Variants in ARFGEF3 observed in about 807,000 individuals in gnomAD.
ARFGEF3 encodes brefeldin A-inhibited guanine nucleotide-exchange protein 3.
A neutral mutation model predicts 221.7 loss-of-function variants in ARFGEF3; 96 were observed. That is an observed-to-expected ratio of 0.43 (90% CI 0.37 to 0.51). The LOEUF (loss-of-function observed/expected upper bound fraction) is 0.51. Ranked by LOEUF, ARFGEF3 falls within the 20% of genes least tolerant of loss-of-function variation. The probability of loss-of-function intolerance (pLI) is 0.00; values close to 1 mark genes in which losing one functional copy is unlikely to be tolerated. For synonymous variants in ARFGEF3, 1,145 were observed against 1,126.8 expected (o/e 1.02, Z -0.32); for missense variants, 2,410 against 2,789.9 (o/e 0.86, Z 3.07).
chr6:138,247,872 C>T (rs973424987), intron 8 of ARFGEF3, among the ~76,000 whole-genome samples: 3 of 152,198 alleles, frequency 2.0e-5, no homozygotes, highest in African/African-American at 7.2e-5. Flanking sequence ...TCCAGGAACA[C>T]CTGAAGTTAA....
At chr6:138,226,339 A>AT (rs1049030216) in intron 4 of ARFGEF3, among the ~76,000 whole-genome samples, 1 of 151,986 alleles carries the variant, frequency 6.6e-6, no homozygotes, top group East Asian at 1.9e-4. Flanking sequence ...TCTAATTCTA[A>AT]TTTTTTTTCC....
Position 138,286,104 on chromosome 6 carries a change from C to A in ARFGEF3, c.2569+51C>A. The A allele has an allele frequency of 1.6e-5, 17 of 1,030,748 alleles. No homozygotes were observed. In the South Asian group the frequency reaches 2.2e-4, roughly 13 times the overall value. The allele number at this position is 1,030,748 out of a possible 1,614,324, so 63.9% of individuals were successfully genotyped here. A position where few individuals can be genotyped will look rare whatever the true frequency, so the allele number is the denominator to read the frequency against. ...GAACATCCATACACTGCATGTGTTA[C>A]CAGCAATTACATTGTTATGTGGTGA... On this transcript the variant is annotated intron_variant, in intron 15 of 33. Coordinates refer to ENST00000251691, the MANE Select transcript of ARFGEF3 (RefSeq NM_020340.5).
chr6:138,167,031 A>G (rs1776736677), intron 1 of ARFGEF3, among the ~76,000 whole-genome samples: 1 of 152,174 alleles, frequency 6.6e-6, no homozygotes, highest in African/African-American at 2.4e-5. Context: ...CAGTTACTGA[A>G]GAACAGTAAC....
intron 20 of ARFGEF3, among the ~76,000 whole-genome samples, chr6:138,296,510 G>T (rs73568903): frequency 6.6e-6 from 1 of 152,034 alleles, no homozygotes; most frequent in Non-Finnish European, 1.5e-5. Context: ...GAATCCAGAC[G>T]GTCGGACTTC....
intron 12 of ARFGEF3, 103 bp from the exon 13 acceptor site, chr6:138,278,348 T>C: frequency 1.0e-6 from 1 of 1,001,178 alleles, no homozygotes; most frequent in Non-Finnish European, 1.5e-6. Context: ...AGAAATATCC[T>C]ATTGATGCAG....
chr6:138,294,737 A>G (rs6570218), intron 20 of ARFGEF3, among the ~76,000 whole-genome samples: 40,195 of 152,082 alleles, frequency 0.26, 5,682 homozygotes, highest in East Asian at 0.5. Flanking sequence ...GTCCCAAAGC[A>G]TTGGCAGGTT....
At chr6:138,244,249 C>G (rs1423955143) in intron 7 of ARFGEF3, among the ~76,000 whole-genome samples, 4 of 152,214 alleles carry the variant, frequency 2.6e-5, no homozygotes, top group Admixed American at 6.5e-5. Context: ...TTCTCTTTCC[C>G]TGCCTTCCTC....
At chr6:138,177,930 A>C (rs1235477135) in intron 2 of ARFGEF3, among the ~76,000 whole-genome samples, 1 of 152,088 alleles carries the variant, frequency 6.6e-6, no homozygotes, top group Non-Finnish European at 1.5e-5. Flanking sequence ...GTTTAAAATA[A>C]ATATTTTGAA....
intron 17 of ARFGEF3, 83 bp from the exon 18 acceptor site, chr6:138,289,735 T>C (rs1312285813): frequency 4.8e-6 from 7 of 1,449,642 alleles, no homozygotes; most frequent in Non-Finnish European, 6.6e-6. Flanking sequence ...CTTTTGCCCT[T>C]GCATGACACA....
chr6:138,209,747 G>A (rs1002719168), intron 3 of ARFGEF3, among the ~76,000 whole-genome samples, 163 bp from the exon 4 acceptor site: 2 of 152,004 alleles, frequency 1.3e-5, no homozygotes, highest in African/African-American at 2.4e-5. Context: ...TGCCCTGGCC[G>A]CATTTTTCTT....
At chr6:138,316,854 A>G (rs1472486983) in intron 26 of ARFGEF3, among the ~76,000 whole-genome samples, 2 of 152,232 alleles carry the variant, frequency 1.3e-5, no homozygotes, top group Admixed American at 6.5e-5. Flanking sequence ...AGAAATGGCT[A>G]AAATGGCTTT....
intron 22 of ARFGEF3, among the ~76,000 whole-genome samples, chr6:138,306,228 G>T (rs1469528990): frequency 6.6e-6 from 1 of 151,938 alleles, no homozygotes; most frequent in African/African-American, 2.4e-5. Flanking sequence ...CATCAAATAT[G>T]ATAAAATATT....
chr6:138,204,659 TTACATATTATC>T lies in ARFGEF3; in HGVS notation c.138-2372_138-2362del, dbSNP rs1777597303. Among the ~76,000 whole-genome samples, 5 of 152,308 alleles carry T rather than the reference TTACATATTATC, an allele frequency of 3.3e-5. No individual in the cohort carries two copies. In the South Asian group the frequency reaches 1.0e-3, roughly 32 times the overall value. On this transcript the variant is annotated intron_variant, in intron 2 of 33. Transcript: ENST00000251691. ...TGACAACCTCTGATACATATATTAT[TTACATATTATC>T]TACATATTATACTCCAACTCTGCAG... is the stretch of plus-strand genomic sequence containing the variant.
At chr6:138,287,694 A>G (rs1426824236) in intron 17 of ARFGEF3, among the ~76,000 whole-genome samples, 1 of 152,204 alleles carries the variant, frequency 6.6e-6, no homozygotes, top group Non-Finnish European at 1.5e-5. Context: ...TGAGTCGGTG[A>G]AGCTGATGAT....
At chr6:138,258,805 C>T (rs1430092953) in intron 10 of ARFGEF3, among the ~76,000 whole-genome samples, 6 of 152,204 alleles carry the variant, frequency 3.9e-5, no homozygotes, top group Non-Finnish European at 8.8e-5. Flanking sequence ...TTATAAGCAG[C>T]AGCAACCTTT....
chr6:138,310,597 A>G (rs1779808985), intron 24 of ARFGEF3, among the ~76,000 whole-genome samples: 1 of 152,172 alleles, frequency 6.6e-6, no homozygotes, highest in South Asian at 2.1e-4. Context: ...TCTGAATTTT[A>G]ACTAATGCCT....
rs1463360191 is a variant in ARFGEF3, at chr6:138,263,191, C to G, written c.1708C>G (p.Pro570Ala). 7 of 1,613,990 alleles carry G rather than the reference C, an allele frequency of 4.3e-6. No homozygotes were observed. The highest frequency in any genetic ancestry group is 5.9e-6 in the Non-Finnish European group (7 of 1,179,900). The change falls in exon 12 of 34, where the codon CCT (proline) becomes GCT (alanine). Residue 570 changes from proline to alanine, a missense_variant. Physicochemically the swap from Pro to Ala is conservative, Grantham distance 27. Around this residue, in one of 5 missense-constraint regions of ARFGEF3, gnomAD observed 594 missense variants for 734.3 expected, o/e 0.81. Transcript: ENST00000251691. ...PDVVQRSHTV[P>A]YPDITNFLSV... ...TGTCGTGCAGAGAAGCCACACGGTC[C>G]CTTACCCTGACATAACTAACTTCCT...
At position 138,274,526 on chromosome 6, in the gene ARFGEF3, G is replaced by A. The variant is rs59893288; in HGVS notation, c.2129-3925G>A. On this transcript the variant is annotated intron_variant, in intron 12 of 33. Coordinates refer to ENST00000251691, the MANE Select transcript of ARFGEF3 (RefSeq NM_020340.5). Reference sequence around the variant, plus strand: ...AAAATGCACCTCAGCCTAGCAAGGCGTGGTGGCTCACACCTGTAATCCCAA... The same window carrying A: ...AAAATGCACCTCAGCCTAGCAAGGCATGGTGGCTCACACCTGTAATCCCAA... Among the ~76,000 whole-genome samples, 98 of 151,480 alleles carry A rather than the reference G, an allele frequency of 6.5e-4. 1 individual carries two copies. Among genetic ancestry groups the A allele is most frequent in the East Asian group, 2.6e-3 (13 of 5,088 alleles).
intron 8 of ARFGEF3, among the ~76,000 whole-genome samples, chr6:138,248,137 G>T (rs1288894509): frequency 5.9e-5 from 9 of 152,206 alleles, no homozygotes. Flanking sequence ...CATAGAAGAA[G>T]AAGTGGGAGT....
Sources: allele counts gnomAD v4.1 joint callset (sites outside exome capture counted in the v4.1 genomes callset), GRCh38; gene constraint gnomAD v4.1.1; regional missense constraint gnomAD v4.1.1; transcripts MANE v1.5; gene names NCBI Gene and HGNC (gene_info 2026-07-23, HGNC 2026-07-21).